Variants in HACE1 observed in about 807,000 individuals in gnomAD.
The protein encoded by HACE1 is E3 ubiquitin-protein ligase HACE1.
HACE1 carries 73 observed loss-of-function variants against 118.4 expected under a neutral mutation model. The ratio of observed to expected loss-of-function variants is 0.62; its 90% CI spans 0.51 to 0.75. HACE1 has a LOEUF of 0.75. Ranked by LOEUF, HACE1 falls within the 30% of genes least tolerant of loss-of-function variation. The pLI is 0.00. For missense variants in HACE1, 749 were observed against 1,102.2 expected (o/e 0.68, Z 4.54); for synonymous variants, 368 against 374.8 (o/e 0.98, Z 0.21).
In HACE1 at chr6:104,836,675, T is replaced by G. The variant is rs930521769; in HGVS notation, c.403-3502A>C. Among the ~76,000 whole-genome samples the G allele has an allele frequency of 2.6e-5, 4 of 152,174 alleles. No homozygotes were observed. The South Asian group carries it at 8.3e-4, about 32-fold the overall frequency. On this transcript the variant is annotated intron_variant, in intron 5 of 23. Coordinates refer to ENST00000262903, the MANE Select transcript of HACE1 (RefSeq NM_020771.4). Reference sequence around the variant, plus strand: ...TTGCAGTGAGCTGAGATTGCGCCACTGCACTGTAGCCTGGGTGACAGAGTG... The same window carrying G: ...TTGCAGTGAGCTGAGATTGCGCCACGGCACTGTAGCCTGGGTGACAGAGTG...
At chr6:104,796,787 T>TA (rs1196107237) in intron 8 of HACE1, 31 bp from the exon 9 acceptor site, 1 of 1,294,744 alleles carries the variant, frequency 7.7e-7, no homozygotes, top group East Asian at 2.3e-5. Flanking sequence ...TATCCAGGTT[T>TA]AAAAACAGTC....
intron 19 of HACE1, among the ~76,000 whole-genome samples, chr6:104,755,307 T>A (rs1778465623): frequency 6.6e-6 from 1 of 152,130 alleles, no homozygotes; most frequent in African/African-American, 2.4e-5. Context: ...GCAAAGAGAC[T>A]GAGACTCCCA....
intron 3 of HACE1, among the ~76,000 whole-genome samples, 194 bp downstream of exon 3, chr6:104,850,713 T>G (rs1446892840): frequency 1.3e-5 from 2 of 152,210 alleles, no homozygotes; most frequent in Non-Finnish European, 2.9e-5. Flanking sequence ...AAGAGGGACA[T>G]GAGATTTACA....
intron 5 of HACE1, among the ~76,000 whole-genome samples, chr6:104,835,406 G>C (rs1774428138): frequency 6.6e-6 from 1 of 151,962 alleles, no homozygotes; most frequent in African/African-American, 2.4e-5. Context: ...TTGCATCCCT[G>C]AAATGAGAAA....
rs545458418 is a variant in HACE1, at chr6:104,761,144, A to G, written c.2211+10049T>C. 2.5e-4 allele frequency among the ~76,000 whole-genome samples: 38 copies of G among 152,296 alleles called. No individual in the cohort carries two copies. The South Asian group carries it at 6.2e-3, about 25-fold the overall frequency. On this transcript the variant is annotated intron_variant, in intron 19 of 23. Coordinates refer to ENST00000262903, the MANE Select transcript of HACE1 (RefSeq NM_020771.4). ...CTGCCCAAAGTCATTTATAGATTCAATGCTATCTCCATCAAGCTACCATTC... is the reference window on the plus strand; with the variant it reads ...CTGCCCAAAGTCATTTATAGATTCAGTGCTATCTCCATCAAGCTACCATTC...
chr6:104,793,369 T>C lies in HACE1; in HGVS notation c.924-1715A>G, dbSNP rs1293976892. ...GTATATTCTTATTCAGTGTCTTACT[T>C]AGCATATAGCTATGATTTCTCTGTT... On this transcript the variant is annotated intron_variant, in intron 10 of 23. Transcript: ENST00000262903. Among the ~76,000 whole-genome samples, 3 of 152,350 alleles carry C rather than the reference T, an allele frequency of 2.0e-5. No homozygotes were observed. The South Asian group carries it at 6.2e-4, about 32-fold the overall frequency.
At chr6:104,765,097 C>A (rs1779838264) in intron 19 of HACE1, among the ~76,000 whole-genome samples, 2 of 152,144 alleles carry the variant, frequency 1.3e-5, no homozygotes, top group African/African-American at 4.8e-5. Flanking sequence ...AGTCACATGG[C>A]TGAATTAATG....
intron 7 of HACE1, among the ~76,000 whole-genome samples, chr6:104,801,878 G>A (rs1770398822): frequency 6.6e-6 from 1 of 152,060 alleles, no homozygotes; most frequent in African/African-American, 2.4e-5. Flanking sequence ...AAATGTAAAT[G>A]GGCTAAATGC....
chr6:104,799,069 CA>C (rs1770008367), intron 7 of HACE1, among the ~76,000 whole-genome samples: 1 of 152,164 alleles, frequency 6.6e-6, no homozygotes, highest in African/African-American at 2.4e-5. Context: ...GACAACGCTG[CA>C]CTCTAGAAAA....
At chr6:104,800,401 G>C (rs1218166666) in intron 7 of HACE1, among the ~76,000 whole-genome samples, 1 of 152,210 alleles carries the variant, frequency 6.6e-6, no homozygotes, top group Non-Finnish European at 1.5e-5. Flanking sequence ...AGAACGGACA[G>C]ACTGCCTCCT....
At chr6:104,766,179 GGCATAT>G (rs1779996037) in intron 19 of HACE1, among the ~76,000 whole-genome samples, 1 of 152,186 alleles carries the variant, frequency 6.6e-6, no homozygotes, top group South Asian at 2.1e-4. Flanking sequence ...ACCTGCTCTT[GGCATAT>G]GCGTCCTGCA....
intron 3 of HACE1, 118 bp from the exon 4 acceptor site, chr6:104,849,364 T>G (rs904268166): frequency 1.4e-6 from 1 of 734,214 alleles, no homozygotes; most frequent in Non-Finnish European, 2.4e-6. Flanking sequence ...TTTCAGACAG[T>G]CTTGCTCTGT....
chr6:104,752,161 A>G (rs1233689283), intron 19 of HACE1, among the ~76,000 whole-genome samples: 1 of 151,952 alleles, frequency 6.6e-6, no homozygotes, highest in Non-Finnish European at 1.5e-5. Flanking sequence ...ATCTAGTCTC[A>G]CCCCAAATTC....
At chr6:104,786,665 C>A (rs574219506) in intron 11 of HACE1, 6 of 150,230 alleles carry the variant, frequency 4.0e-5, no homozygotes, top group South Asian at 2.1e-4. Context: ...TATTTTTAAT[C>A]CCAAATAAAG....
intron 6 of HACE1, among the ~76,000 whole-genome samples, chr6:104,823,681 T>A (rs1773021322): frequency 6.6e-6 from 1 of 150,592 alleles, no homozygotes; most frequent in African/African-American, 2.4e-5. Flanking sequence ...AGGATAAAAA[T>A]GTATAAAGGA....
chr6:104,740,388 T>C (rs1485898701), intron 22 of HACE1, among the ~76,000 whole-genome samples: 3 of 151,848 alleles, frequency 2.0e-5, no homozygotes, highest in Non-Finnish European at 4.4e-5. Context: ...AGGTGGTTTT[T>C]TGAAAGGATC....
chr6:104,759,933 A>G (rs975735197), intron 19 of HACE1, among the ~76,000 whole-genome samples: 2 of 152,244 alleles, frequency 1.3e-5, no homozygotes, highest in African/African-American at 4.8e-5. Flanking sequence ...CTATGCAAAT[A>G]AACTAGAAAA....
At chr6:104,784,531 GATATA>G (rs754494339) in intron 12 of HACE1, 46 bp from the exon 13 acceptor site, 8 of 1,285,796 alleles carry the variant, frequency 6.2e-6, no homozygotes, top group Non-Finnish European at 9.1e-6. Flanking sequence ...AAAAGTTTGT[GATATA>G]ATATAGCGAA....
At chr6:104,856,441 G>GTTT (rs35348044) in intron 1 of HACE1, among the ~76,000 whole-genome samples, 12 of 148,516 alleles carry the variant, frequency 8.1e-5, no homozygotes, top group South Asian at 2.1e-4. Context: ...TTATTTATGT[G>GTTT]TTTTTTTTTT....
Sources: gnomAD v4.1 joint callset for allele counts (sites outside exome capture counted in the v4.1 genomes callset) on GRCh38, gnomAD v4.1.1 for gene constraint, MANE v1.5 for transcripts, NCBI Gene and HGNC (gene_info 2026-07-23, HGNC 2026-07-21) for gene names.